The following ITGAV variants were observed in gnomAD, a reference collection of about 807,000 sequenced individuals.
ITGAV encodes integrin alpha-V.
A neutral mutation model predicts 143.8 loss-of-function variants in ITGAV; 76 were observed. The ratio of observed to expected loss-of-function variants is 0.53; its 90% CI spans 0.44 to 0.64. ITGAV has a LOEUF of 0.64. Ranked by LOEUF, ITGAV falls within the 30% of genes least tolerant of loss-of-function variation. The probability of loss-of-function intolerance (pLI) is 0.00; values close to 1 mark genes in which losing one functional copy is unlikely to be tolerated. For synonymous variants in ITGAV, 453 were observed against 446.7 expected (o/e 1.01, Z -0.18); for missense variants, 1,193 against 1,274.7 (o/e 0.94, Z 0.98).
At chr2:186,601,346 A>C (rs890429786) in intron 1 of ITGAV, among the ~76,000 whole-genome samples, 5 of 151,992 alleles carry the variant, frequency 3.3e-5, no homozygotes, top group African/African-American at 9.7e-5. Context: ...CTGTAGTTCT[A>C]CCTGCTCAGG....
At chr2:186,667,602 G>T in intron 23 of ITGAV, 69 bp from the exon 24 acceptor site, 1 of 740,844 alleles carries the variant, frequency 1.3e-6, no homozygotes, top group Non-Finnish European at 2.3e-6. Context: ...TGAATATGGG[G>T]TACTTTTGAA....
chr2:186,607,003 T>C (rs1687086332), intron 2 of ITGAV, among the ~76,000 whole-genome samples: 1 of 152,074 alleles, frequency 6.6e-6, no homozygotes, highest in Non-Finnish European at 1.5e-5. Flanking sequence ...CTAAACTTGA[T>C]ACTATTGTTA....
At chr2:186,610,044 C>T (rs1036004583) in intron 2 of ITGAV, among the ~76,000 whole-genome samples, 19 of 152,062 alleles carry the variant, frequency 1.2e-4, no homozygotes, top group Non-Finnish European at 2.8e-4. Flanking sequence ...TTGTAGATTT[C>T]ACATGAACAT....
At chr2:186,655,772 T>C (rs1031724177) in intron 16 of ITGAV, among the ~76,000 whole-genome samples, 2 of 152,316 alleles carry the variant, frequency 1.3e-5, no homozygotes, top group African/African-American at 4.8e-5. Context: ...ATATGATAGC[T>C]TCACTGGAAG....
chr2:186,625,707 CATATT>C (rs1559048268), intron 4 of ITGAV, 120 bp downstream of exon 4: 3 of 496,910 alleles, frequency 6.0e-6, no homozygotes, highest in Admixed American at 3.7e-5. Flanking sequence ...AAGATATAGA[CATATT>C]ATGATGATAA....
At position 186,636,094 on chromosome 2, in the gene ITGAV, C is replaced by T. The variant is rs761237786; in HGVS notation, c.644C>T (p.Ser215Leu). The T allele has an allele frequency of 9.9e-6, 16 of 1,612,086 alleles. No homozygotes were observed. Among genetic ancestry groups the T allele is most frequent in the South Asian group, 3.3e-5 (3 of 90,768 alleles). ...CACCCTTTTTTAGGTCAGCTTATTTCGGATCAAGTGGCAGAAATCGTATCT... is the reference window on the plus strand; with the variant it reads ...CACCCTTTTTTAGGTCAGCTTATTTTGGATCAAGTGGCAGAAATCGTATCT... ...GSFYWQGQLI[S>L]DQVAEIVSKY... The change falls in exon 7 of 30, where the codon TCG (serine) becomes TTG (leucine). Residue 215 changes from serine to leucine, a missense_variant. Ser to Leu is a moderately radical substitution (Grantham distance 145). Coordinates refer to ENST00000261023, the MANE Select transcript of ITGAV (RefSeq NM_002210.5).
Position 186,666,704 on chromosome 2 carries a change from C to T in ITGAV, c.2167C>T (p.Leu723Phe), listed in dbSNP as rs202242205. ...TACTATCTTTTCCTCTCTCCTTTAG[C>T]TCTTAGCTGGTCTTCGTTTCAGTGT... ...LGNPMKAGTQ[L>F]LAGLRFSVHQ... The change falls in exon 22 of 30, where the codon CTC becomes TTC. Residue 723 changes from leucine to phenylalanine, a missense_variant and splice_region_variant. By Grantham distance (22) the Leu-to-Phe change is conservative. Coordinates refer to ENST00000261023, the MANE Select transcript of ITGAV (RefSeq NM_002210.5). 3.9e-6 allele frequency: 6 copies of T among 1,545,924 alleles called. No individual in the cohort carries two copies. The highest frequency in any genetic ancestry group is 1.7e-4 in the Middle Eastern group (1 of 5,792).
intron 8 of ITGAV, among the ~76,000 whole-genome samples, chr2:186,637,460 G>A (rs1428962330): frequency 3.0e-5 from 4 of 134,048 alleles, no homozygotes. Context: ...CCGCCCGGGC[G>A]ACAGAGCCGA....
At chr2:186,656,447 T>C (rs766988437) in intron 17 of ITGAV, 46 bp downstream of exon 17, 3 of 1,316,398 alleles carry the variant, frequency 2.3e-6, no homozygotes, top group East Asian at 5.6e-5. Flanking sequence ...TTTTAGTCAT[T>C]AGTTTTTTAT....
At chr2:186,652,444 A>C (rs575805389) in intron 15 of ITGAV, among the ~76,000 whole-genome samples, 4 of 152,240 alleles carry the variant, frequency 2.6e-5, no homozygotes, top group African/African-American at 9.6e-5. Flanking sequence ...ATCCTGCCTC[A>C]GCCTCCTAAA....
chr2:186,660,349 C>T (rs887482676), intron 18 of ITGAV: 1 of 152,118 alleles, frequency 6.6e-6, no homozygotes, highest in Non-Finnish European at 1.5e-5. Flanking sequence ...CACCTATTCT[C>T]ATTCTTCATT....
chr2:186,664,735 C>A (rs1352209285), intron 20 of ITGAV, 94 bp downstream of exon 20: 6 of 1,454,798 alleles, frequency 4.1e-6, no homozygotes, highest in Non-Finnish European at 5.7e-6. Context: ...ACAAGCTTAG[C>A]TATTCTACCT....
intron 13 of ITGAV, among the ~76,000 whole-genome samples, chr2:186,649,155 G>A (rs1240107022): frequency 2.7e-5 from 4 of 150,498 alleles, no homozygotes; most frequent in Non-Finnish European, 5.9e-5. Flanking sequence ...AACTTTCACA[G>A]TGCCTTAAAT....
At chr2:186,599,833 C>A (rs559464454) in intron 1 of ITGAV, among the ~76,000 whole-genome samples, 2 of 152,032 alleles carry the variant, frequency 1.3e-5, no homozygotes, top group South Asian at 4.2e-4. Flanking sequence ...AATGTCTTTT[C>A]TCTCATATTC....
At chr2:186,620,076 A>G (rs951046207) in intron 2 of ITGAV, among the ~76,000 whole-genome samples, 8 of 152,178 alleles carry the variant, frequency 5.3e-5, no homozygotes, top group African/African-American at 1.9e-4. Context: ...AACAACTCAC[A>G]ATTCTCTTAA....
intron 4 of ITGAV, among the ~76,000 whole-genome samples, chr2:186,625,790 A>G (rs998674475): frequency 6.6e-6 from 1 of 152,162 alleles, no homozygotes. Flanking sequence ...TACTTTTTCT[A>G]AGAACTCATT....
chr2:186,638,445 T>C lies in ITGAV; in HGVS notation c.883T>C (p.Tyr295His), dbSNP rs1688008222. The C allele has an allele frequency of 6.8e-6, 11 of 1,611,292 alleles. No homozygotes were observed. Among genetic ancestry groups the C allele is most frequent in the African/African-American group, 5.3e-5 (4 of 74,988 alleles). ...TGATGGGAAGAACATGTCCTCCTTA[T>C]ACAATTTTACTGGCGAGCAGGTATG... ...IYDGKNMSSL[Y>H]NFTGEQMAAY... The change falls in exon 10 of 30, where the codon TAC becomes CAC. Residue 295 changes from tyrosine (Y) to histidine (H), a missense_variant. Physicochemically the swap from Tyr to His is moderately conservative, Grantham distance 83 (BLOSUM62 2). Coordinates refer to ENST00000261023, the MANE Select transcript of ITGAV (RefSeq NM_002210.5).
intron 2 of ITGAV, among the ~76,000 whole-genome samples, chr2:186,614,007 A>T (rs951003116): frequency 1.3e-5 from 2 of 152,080 alleles, no homozygotes; most frequent in Non-Finnish European, 2.9e-5. Context: ...TGTGATTAAA[A>T]TTTTTTCTTG....
At chr2:186,617,864 C>T (rs1464913984) in intron 2 of ITGAV, among the ~76,000 whole-genome samples, 1 of 152,010 alleles carries the variant, frequency 6.6e-6, no homozygotes, top group Non-Finnish European at 1.5e-5. Context: ...TGGCTGTTGC[C>T]GGAGAAAGCA....
Sources: allele counts gnomAD v4.1 joint callset (sites outside exome capture counted in the v4.1 genomes callset), GRCh38; gene constraint gnomAD v4.1.1; transcripts MANE v1.5; gene names NCBI Gene and HGNC (gene_info 2026-07-23, HGNC 2026-07-21).